PLA2R1: variants seen among roughly 807,000 people sequenced by gnomAD.
PLA2R1 encodes the protein secretory phospholipase A2 receptor.
A neutral mutation model predicts 195.9 loss-of-function variants in PLA2R1; 158 were observed. The ratio of observed to expected loss-of-function variants is 0.81; its 90% CI spans 0.71 to 0.92. PLA2R1 has a LOEUF of 0.92. Among genes scored for constraint, PLA2R1 ranks in the 40% least tolerant of loss-of-function variants. The pLI is 0.00. For missense variants in PLA2R1, 1,626 were observed against 1,764.6 expected (o/e 0.92, Z 1.41); for synonymous variants, 586 against 598.2 (o/e 0.98, Z 0.30).
At position 160,028,664 on chromosome 2, in the gene PLA2R1, A is replaced by G. The variant is rs150690210; in HGVS notation, c.955+186T>C. Among the ~76,000 whole-genome samples the G allele has an allele frequency of 8.4e-4, 128 of 152,328 alleles. 1 individual carries two copies. The East Asian group carries it at 0.019, about 22-fold the overall frequency. ...CCCAAATCCTCCTGCAACTTTGGCTAAAAAGCTTATCTTCCTGGTCCCTAT... is the reference window on the plus strand; with the variant it reads ...CCCAAATCCTCCTGCAACTTTGGCTGAAAAGCTTATCTTCCTGGTCCCTAT... On this transcript the variant is annotated intron_variant, in intron 5 of 29. Coordinates refer to ENST00000283243, the MANE Select transcript of PLA2R1 (RefSeq NM_007366.5).
At chr2:160,026,515 A>C (rs1693534211) in intron 6 of PLA2R1, among the ~76,000 whole-genome samples, 1 of 152,162 alleles carries the variant, frequency 6.6e-6, no homozygotes, top group Non-Finnish European at 1.5e-5. Flanking sequence ...GGCTTTCAGG[A>C]ACACAGTGCC....
In PLA2R1 at chr2:159,947,403, T is replaced by C. The variant is rs1489564370; in HGVS notation, c.3850+16A>G. ...GGAGCACATGAAAGCATTTTTACCA[T>C]CACAAAAACAATTACCTTCCTTTTT... On this transcript the variant is annotated intron_variant, in intron 26 of 29. Coordinates refer to ENST00000283243, the MANE Select transcript of PLA2R1 (RefSeq NM_007366.5). The C allele has an allele frequency of 1.3e-6, 2 of 1,587,854 alleles. No individual in the cohort carries two copies. The highest frequency in any genetic ancestry group is 1.7e-6 in the Non-Finnish European group (2 of 1,169,944).
chr2:160,003,966 A>G (rs561517458), intron 11 of PLA2R1, among the ~76,000 whole-genome samples: 1 of 152,372 alleles, frequency 6.6e-6, no homozygotes, highest in African/African-American at 2.4e-5. Context: ...AAAAAATCAA[A>G]TAACAGAAAC....
chr2:159,956,167 T>C (rs1688073496), intron 21 of PLA2R1, among the ~76,000 whole-genome samples: 1 of 152,168 alleles, frequency 6.6e-6, no homozygotes, highest in Non-Finnish European at 1.5e-5. Flanking sequence ...TAAAAGCATG[T>C]AGGTAAATGT....
intron 11 of PLA2R1, among the ~76,000 whole-genome samples, chr2:159,990,062 C>T (rs1422408614): frequency 6.6e-6 from 1 of 151,976 alleles, no homozygotes. Context: ...GAGTCTCAGC[C>T]CCAAAGAAGC....
chr2:159,949,863 A>G (rs1240539104), intron 24 of PLA2R1, 87 bp from the exon 25 acceptor site: 2 of 1,026,392 alleles, frequency 1.9e-6, no homozygotes, highest in East Asian at 4.8e-5. Flanking sequence ...CAATTCCCAC[A>G]TCGATTGCTA....
rs1473923541 is a variant in PLA2R1, at chr2:159,934,781, T to A, written c.*6997A>T. The A allele has an allele frequency of 6.6e-6, 1 of 152,198 alleles. No homozygotes were observed. Among genetic ancestry groups the A allele is most frequent in the Non-Finnish European group, 1.5e-5 (1 of 68,028 alleles). 9.4% of individuals were successfully genotyped at this position (152,198 alleles called of 1,614,324 possible). ...TCCTTCAGCTTCTTCTAATGGTACATCTCATAAAACCATGGTATAATCATC... is the reference window on the plus strand; with the variant it reads ...TCCTTCAGCTTCTTCTAATGGTACAACTCATAAAACCATGGTATAATCATC... On this transcript the variant is annotated 3_prime_UTR_variant, in exon 30 of 30. Coordinates refer to ENST00000283243, the MANE Select transcript of PLA2R1 (RefSeq NM_007366.5).
intron 1 of PLA2R1, among the ~76,000 whole-genome samples, chr2:160,059,100 T>C (rs557233313): frequency 2.6e-4 from 40 of 152,086 alleles, no homozygotes; most frequent in Non-Finnish European, 5.0e-4. Flanking sequence ...CAGTTCACAA[T>C]AGGGTTTATG....
intron 14 of PLA2R1, among the ~76,000 whole-genome samples, chr2:159,977,958 T>TA (rs1231288261): frequency 4.6e-5 from 7 of 151,904 alleles, no homozygotes; most frequent in African/African-American, 1.7e-4. Flanking sequence ...AAATAAAAAT[T>TA]AAAAAAAGGT....
At chr2:159,977,455 C>A in intron 14 of PLA2R1, 39 bp from the exon 15 acceptor site, 1 of 1,601,202 alleles carries the variant, frequency 6.2e-7, no homozygotes, top group South Asian at 1.1e-5. Context: ...AATGATGATC[C>A]CCCCACAAAG....
intron 9 of PLA2R1, among the ~76,000 whole-genome samples, chr2:160,013,675 TTCTCTCTC>T (rs1194944207): frequency 3.0e-5 from 2 of 65,660 alleles, no homozygotes; most frequent in African/African-American, 4.5e-5. Flanking sequence ...ACCTCTCTCT[TTCTCTCTC>T]TCTCTCTCTC....
At chr2:160,000,495 C>T (rs189693448) in intron 11 of PLA2R1, among the ~76,000 whole-genome samples, 38 of 152,240 alleles carry the variant, frequency 2.5e-4, no homozygotes, top group African/African-American at 9.1e-4. Flanking sequence ...CCCAACTTCA[C>T]CCTGGGGGTG....
chr2:159,982,183 TA>T (rs1275850485), intron 13 of PLA2R1, among the ~76,000 whole-genome samples: 1 of 152,220 alleles, frequency 6.6e-6, no homozygotes, highest in Non-Finnish European at 1.5e-5. Flanking sequence ...TAAAGGAAGC[TA>T]AAGTAATGAA....
intron 20 of PLA2R1, among the ~76,000 whole-genome samples, chr2:159,964,293 T>C (rs1445569108): frequency 6.6e-6 from 1 of 152,232 alleles, no homozygotes; most frequent in Non-Finnish European, 1.5e-5. Flanking sequence ...AGTGAGAATG[T>C]TTTGGAAATA....
At chr2:160,029,316 G>T (rs1174570286) in intron 4 of PLA2R1, among the ~76,000 whole-genome samples, 1 of 152,168 alleles carries the variant, frequency 6.6e-6, no homozygotes, top group African/African-American at 2.4e-5. Flanking sequence ...AGGTGTGCAG[G>T]GTCAGTCCCA....
At chr2:159,955,444 A>G (rs1218678454) in intron 22 of PLA2R1, 98 bp from the exon 23 acceptor site, 2 of 746,346 alleles carry the variant, frequency 2.7e-6, no homozygotes, top group African/African-American at 1.8e-5. Context: ...TTAAGACACC[A>G]TTATTCCTTT....
At chr2:159,977,909 G>T (rs2253620) in intron 14 of PLA2R1, among the ~76,000 whole-genome samples, 22,130 of 151,764 alleles carry the variant, frequency 0.15, 3,585 homozygotes, top group African/African-American at 0.4. Context: ...CAGCCTGGGT[G>T]ACAGAGCAAG....
chr2:159,983,210 T>C (rs748716337), intron 13 of PLA2R1, among the ~76,000 whole-genome samples: 9 of 152,198 alleles, frequency 5.9e-5, no homozygotes, highest in Non-Finnish European at 1.0e-4. Context: ...TGGAATGGGC[T>C]TTCTCCCAAA....
At position 159,933,062 on chromosome 2, in the gene PLA2R1, A is replaced by G. The variant is rs563203173; in HGVS notation, c.*8716T>C. The G allele has an allele frequency of 6.6e-6, 1 of 152,196 alleles. No individual in the cohort carries two copies. Among genetic ancestry groups the G allele is most frequent in the South Asian group, 2.1e-4 (1 of 4,824 alleles). 9.4% of individuals were successfully genotyped at this position (152,196 alleles called of 1,614,324 possible). A position where few individuals can be genotyped will look rare whatever the true frequency, so the allele number is the denominator to read the frequency against. On this transcript the variant is annotated 3_prime_UTR_variant, in exon 30 of 30. Coordinates refer to ENST00000283243, the MANE Select transcript of PLA2R1 (RefSeq NM_007366.5). ...TCATAATTACAAGAAATGGATGATA[A>G]TATTTTAAATTAGTTAACTTTGGTC...
Sources: allele counts gnomAD v4.1 joint callset (sites outside exome capture counted in the v4.1 genomes callset), GRCh38; gene constraint gnomAD v4.1.1; transcripts MANE v1.5; gene names NCBI Gene and HGNC (gene_info 2026-07-23, HGNC 2026-07-21).